The following TIAM2 variants were observed in gnomAD, a reference collection of about 807,000 sequenced individuals.
TIAM2 encodes rho guanine nucleotide exchange factor TIAM2.
In TIAM2, 80 loss-of-function variants were observed where a neutral mutation model predicts 152.9. That is an observed-to-expected ratio of 0.52 (90% CI 0.44 to 0.63). TIAM2 has a LOEUF of 0.63. TIAM2 is among the 30% of genes least tolerant of loss of function. The probability of loss-of-function intolerance (pLI) is 0.00; values close to 1 mark genes in which losing one functional copy is unlikely to be tolerated. For missense variants in TIAM2, 1,965 were observed against 2,120.1 expected (o/e 0.93, Z 1.44); for synonymous variants, 804 against 838.0 (o/e 0.96, Z 0.70).
At chr6:154,997,676 T>C (rs1778241836) in intron 1 of TIAM2, among the ~76,000 whole-genome samples, 1 of 145,986 alleles carries the variant, frequency 6.8e-6, no homozygotes, top group Admixed American at 7.0e-5. Context: ...GATCTCCCTT[T>C]GTTGACCAGG....
At position 155,244,695 on chromosome 6, in the gene TIAM2, A is replaced by G; in HGVS notation, c.3455A>G (p.Glu1152Gly). The change falls in exon 18 of 27, where the codon GAG becomes GGG. Residue 1152 changes from glutamate to glycine, a missense_variant. Transcript: ENST00000682666. ...SLFGSLPEMLEFQKVFLETLE... is the reference protein window; with the variant it reads ...SLFGSLPEMLGFQKVFLETLE... ...TTTGGAAGTTTGCCAGAGATGCTTG[A>G]GTTTCAGAAGGTGTTTCTGGAGACC... The G allele has an allele frequency of 6.2e-7, 1 of 1,614,068 alleles. No individual in the cohort carries two copies. Among genetic ancestry groups the G allele is most frequent in the Non-Finnish European group, 8.5e-7 (1 of 1,179,996 alleles).
rs137976809 is a variant in TIAM2 at position 155,176,861 on chromosome 6, C to A, written c.2407C>A (p.Pro803Thr). Residue 803 changes from proline to threonine, a missense_variant, in exon 10 of 27, where the codon CCC becomes ACC. Pro to Thr is a conservative substitution (Grantham distance 38, BLOSUM62 -1). Coordinates refer to ENST00000682666, the MANE Select transcript of TIAM2 (RefSeq NM_012454.4). ...HIYGSTVDGVPRDNAWEIQTY... is the reference protein window; with the variant it reads ...HIYGSTVDGVTRDNAWEIQTY... ...ATATGGTTCAACAGTAGACGGTGTT[C>A]CCCGAGACAATGCATGGGAAATCCA... 322 of 1,613,978 alleles carry A rather than the reference C, an allele frequency of 2.0e-4. No homozygotes were observed. The highest frequency in any genetic ancestry group is 3.3e-5 in the Admixed American group (2 of 60,024).
chr6:155,018,123 A>C (rs1462941457), intron 1 of TIAM2, among the ~76,000 whole-genome samples: 1 of 152,066 alleles, frequency 6.6e-6, no homozygotes, highest in Non-Finnish European at 1.5e-5. Context: ...CTGTAATCCT[A>C]GCACTTTGGA....
Position 155,254,506 on chromosome 6 carries a change from A to C in TIAM2, c.4401A>C (p.Pro1467=). The C allele has an allele frequency of 6.2e-7, 1 of 1,614,162 alleles. No individual in the cohort carries two copies. Among genetic ancestry groups the C allele is most frequent in the Non-Finnish European group, 8.5e-7 (1 of 1,179,996 alleles). ...NFRRHIKCEL[P]LEKTCKDRLV... is the part of the protein sequence containing the mutation. ...GGCGTCACATAAAGTGTGAATTACC[A>C]CTGGAGAAAACGTGTAAGGATCGCC... is the stretch of plus-strand genomic sequence containing the variant. Residue 1467 remains proline (P), a synonymous_variant, in exon 26 of 27, where the codon CCA becomes CCC. Transcript: ENST00000682666.
chr6:155,149,251 G>A (rs1779891627), intron 7 of TIAM2: 1 of 167,178 alleles, frequency 6.0e-6, no homozygotes, highest in African/African-American at 2.4e-5. Flanking sequence ...GGGGATCTGT[G>A]TGTGAGCTGG....
rs770372306 is a variant in TIAM2 at position 155,241,031 on chromosome 6, T to G, written c.3348+322T>G. On this transcript the variant is annotated intron_variant, in intron 16 of 26. Transcript: ENST00000682666. ...CTGGTTTAGTATAAGGGGAGAGAGATCACTTTAGGTGATGAGGAACTTGGG... is the reference window on the plus strand; with the variant it reads ...CTGGTTTAGTATAAGGGGAGAGAGAGCACTTTAGGTGATGAGGAACTTGGG... 5.9e-5 allele frequency among the ~76,000 whole-genome samples: 9 copies of G among 152,068 alleles called. No individual in the cohort carries two copies. In the South Asian group the frequency reaches 8.3e-4, roughly 14 times the overall value.
chr6:155,249,237 T>TATTC (rs1308812638), intron 20 of TIAM2, among the ~76,000 whole-genome samples: 1 of 152,236 alleles, frequency 6.6e-6, no homozygotes, highest in African/African-American at 2.4e-5. Flanking sequence ...GTATCTCTCA[T>TATTC]ATTCCCTCGC....
At chr6:155,157,055 A>G (rs1450232406) in intron 7 of TIAM2, among the ~76,000 whole-genome samples, 3 of 152,204 alleles carry the variant, frequency 2.0e-5, no homozygotes, top group African/African-American at 2.4e-5. Context: ...TGCTCCTGCT[A>G]TAAAATACGT....
At chr6:155,256,097 GGT>G in intron 26 of TIAM2, 1 of 329,258 alleles carries the variant, frequency 3.0e-6, no homozygotes, top group Non-Finnish European at 5.6e-6. Context: ...ATAGGAATAT[GGT>G]GTGATCTTCA....
chr6:155,206,091 C>T (rs988654043), intron 14 of TIAM2, among the ~76,000 whole-genome samples: 6 of 152,156 alleles, frequency 3.9e-5, no homozygotes, highest in African/African-American at 1.2e-4. Flanking sequence ...CAGGTACTGA[C>T]GCACAGTTCA....
intron 15 of TIAM2, among the ~76,000 whole-genome samples, chr6:155,223,184 T>C (rs1782114985): frequency 6.6e-6 from 1 of 152,202 alleles, no homozygotes; most frequent in Non-Finnish European, 1.5e-5. Context: ...GCTTTCCCTG[T>C]TAGGAATTTA....
At chr6:155,256,330 C>A in intron 26 of TIAM2, 154 bp from the exon 27 acceptor site, 1 of 1,090,666 alleles carries the variant, frequency 9.2e-7, no homozygotes, top group Non-Finnish European at 1.3e-6. Flanking sequence ...TTTTCAGTAG[C>A]TACATTTTTG....
intron 15 of TIAM2, among the ~76,000 whole-genome samples, chr6:155,233,695 A>G (rs1782587038): frequency 6.6e-6 from 1 of 152,182 alleles, no homozygotes; most frequent in Non-Finnish European, 1.5e-5. Context: ...AAGGCCCGGC[A>G]TGGTGGCTCA....
chr6:155,168,549 G>T (rs1224881774), intron 9 of TIAM2, among the ~76,000 whole-genome samples: 1 of 152,002 alleles, frequency 6.6e-6, no homozygotes, highest in Admixed American at 6.6e-5. Flanking sequence ...TGGAGATGAG[G>T]TTTCACTCTT....
chr6:155,239,867 G>A (rs895368891), intron 15 of TIAM2, among the ~76,000 whole-genome samples: 8 of 152,144 alleles, frequency 5.3e-5, no homozygotes, highest in East Asian at 1.9e-4. Context: ...CTGCCTGTGC[G>A]CTCTGCAGGG....
At chr6:155,145,076 C>T (rs975296184) in intron 6 of TIAM2, among the ~76,000 whole-genome samples, 2 of 152,070 alleles carry the variant, frequency 1.3e-5, no homozygotes, top group Admixed American at 6.6e-5. Context: ...GAGTAGCTGG[C>T]GATCTAGTGA....
At chr6:155,076,401 A>T (rs922333561) in intron 1 of TIAM2, among the ~76,000 whole-genome samples, 1 of 152,198 alleles carries the variant, frequency 6.6e-6, no homozygotes, top group Non-Finnish European at 1.5e-5. Context: ...TAAAATGCCT[A>T]TGGGAAATAT....
chr6:155,161,906 T>G (rs1780283167), intron 7 of TIAM2, among the ~76,000 whole-genome samples: 1 of 151,944 alleles, frequency 6.6e-6, no homozygotes, highest in South Asian at 2.1e-4. Flanking sequence ...CACCATGGAT[T>G]GCATGGGCAT....
chr6:155,254,453 A>C lies in TIAM2; in HGVS notation c.4348A>C (p.Ile1450Leu). 6.2e-7 allele frequency: 1 copy of C among 1,614,042 alleles called. No individual in the cohort carries two copies. Among genetic ancestry groups the C allele is most frequent in the Non-Finnish European group, 8.5e-7 (1 of 1,179,916 alleles). The part of the protein sequence containing the change: ...SESKTNIVKV[I>L]RSILRENFRR... ...AAGCAAAACCAACATTGTTAAGGTG[A>C]TTCGTTCTATTCTGAGGGAGAACTT... The change falls in exon 26 of 27, where the codon ATT becomes CTT. Residue 1450 changes from isoleucine to leucine, a missense_variant. Ile to Leu is a conservative substitution (Grantham distance 5, BLOSUM62 2). Around this residue, in one of 3 missense-constraint regions of TIAM2, gnomAD observed 935 missense variants for 980.0 expected, o/e 0.95. Coordinates refer to ENST00000682666, the MANE Select transcript of TIAM2 (RefSeq NM_012454.4).
Sources: allele counts gnomAD v4.1 joint callset (sites outside exome capture counted in the v4.1 genomes callset), GRCh38; gene constraint gnomAD v4.1.1; regional missense constraint gnomAD v4.1.1; transcripts MANE v1.5; gene names NCBI Gene and HGNC (gene_info 2026-07-23, HGNC 2026-07-21).